The following DLGAP2 variants were observed in gnomAD, a reference collection of about 807,000 sequenced individuals.
DLGAP2 encodes DLG associated protein 2, also known as disks large-associated protein 2.
In DLGAP2, 26 loss-of-function variants were observed where a neutral mutation model predicts 100.3. The ratio of observed to expected loss-of-function variants is 0.26; its 90% CI spans 0.19 to 0.36. The LOEUF is 0.36. DLGAP2 is among the 10% of genes least tolerant of loss of function. The pLI, the probability that DLGAP2 is intolerant of heterozygous loss-of-function variation, is 1.00. For synonymous variants in DLGAP2, 886 were observed against 630.1 expected (o/e 1.41, Z -6.08); for missense variants, 1,858 against 1,453.2 (o/e 1.28, Z -4.53).
At chr8:1,695,598 G>A (rs1027028382) in intron 13 of DLGAP2, among the ~76,000 whole-genome samples, 12 of 151,674 alleles carry the variant, frequency 7.9e-5, no homozygotes, top group Admixed American at 2.0e-4. Flanking sequence ...AGCCTTGCCC[G>A]GCCCTACAGA....
chr8:1,245,490 A>T (rs1185698447), intron 2 of DLGAP2, among the ~76,000 whole-genome samples: 1 of 152,278 alleles, frequency 6.6e-6, no homozygotes, highest in African/African-American at 2.4e-5. Context: ...GAAGCCAGTC[A>T]TGAAAACCAC....
chr8:1,391,381 G>T (rs1267662773), intron 3 of DLGAP2, among the ~76,000 whole-genome samples: 1 of 152,202 alleles, frequency 6.6e-6, no homozygotes, highest in Non-Finnish European at 1.5e-5. Flanking sequence ...GGCCAGATCG[G>T]ATCTGTGCAG....
intron 2 of DLGAP2, among the ~76,000 whole-genome samples, chr8:1,145,976 G>A (rs965260452): frequency 6.6e-6 from 1 of 151,988 alleles, no homozygotes; most frequent in Non-Finnish European, 1.5e-5. Context: ...GTATTCCATG[G>A]TGTATATGTG....
intron 2 of DLGAP2, among the ~76,000 whole-genome samples, chr8:1,176,544 A>T (rs1797261216): frequency 6.6e-6 from 1 of 152,202 alleles, no homozygotes; most frequent in Admixed American, 6.5e-5. Flanking sequence ...TGTGAATTTA[A>T]CTGGTTTATT....
chr8:1,312,671 C>T (rs141991396), intron 3 of DLGAP2, among the ~76,000 whole-genome samples: 2 of 152,274 alleles, frequency 1.3e-5, no homozygotes, highest in East Asian at 3.9e-4. Context: ...AATTTTATGT[C>T]ATCTGTACCA....
intron 2 of DLGAP2, among the ~76,000 whole-genome samples, chr8:973,638 G>A (rs1489831665): frequency 2.6e-5 from 4 of 152,230 alleles, no homozygotes; most frequent in Non-Finnish European, 4.4e-5. Context: ...GTAGTGAGCC[G>A]AGATCACGCC....
intron 6 of DLGAP2, among the ~76,000 whole-genome samples, chr8:1,626,516 TCTACC>T (rs1343736356): frequency 2.9e-4 from 44 of 149,864 alleles, no homozygotes; most frequent in Non-Finnish European, 3.0e-4. Context: ...CGTTCCCATC[TCTACC>T]CTGCAGCAGG....
At chr8:753,197 C>T (rs1318088722) in intron 1 of DLGAP2, among the ~76,000 whole-genome samples, 4 of 152,148 alleles carry the variant, frequency 2.6e-5, no homozygotes, top group Non-Finnish European at 2.9e-5. Flanking sequence ...CTGCGGACCC[C>T]GTCACTTACG....
At chr8:1,302,612 G>C (rs1323650876) in intron 3 of DLGAP2, 1 of 140,400 alleles carries the variant, frequency 7.1e-6, no homozygotes, top group Non-Finnish European at 1.6e-5. Context: ...ATTTTCTGTA[G>C]GTTCCCGAGC....
chr8:1,003,339 C>T (rs1347392953), intron 2 of DLGAP2: 1 of 152,236 alleles, frequency 6.6e-6, no homozygotes, highest in Non-Finnish European at 1.5e-5. Context: ...CATGGGTGGC[C>T]CGACGGGGGC....
chr8:1,319,697 C>T lies in DLGAP2; in HGVS notation c.106+60814C>T, dbSNP rs73670751. Among the ~76,000 whole-genome samples, 185 of 152,144 alleles carry T rather than the reference C, an allele frequency of 1.2e-3. 1 individual carries two copies. Among genetic ancestry groups the T allele is most frequent in the African/African-American group, 4.1e-3 (170 of 41,498 alleles). ...AGGGAAAGCCTCTCTGAGGAGTGCA[C>T]GTTGGAAAAGATGTCAGAACGATGG... is the stretch of plus-strand genomic sequence containing the variant. On this transcript the variant is annotated intron_variant, in intron 3 of 14. Transcript: ENST00000637795.
chr8:857,952 C>T (rs1474634484), intron 1 of DLGAP2, among the ~76,000 whole-genome samples: 6 of 151,326 alleles, frequency 4.0e-5, no homozygotes, highest in African/African-American at 1.5e-4. Flanking sequence ...CTCACTGCAG[C>T]CTCTGTCTCC....
At chr8:1,172,509 T>C (rs1236675908) in intron 2 of DLGAP2, among the ~76,000 whole-genome samples, 1 of 152,234 alleles carries the variant, frequency 6.6e-6, no homozygotes, top group African/African-American at 2.4e-5. Flanking sequence ...TCCCTGTCAC[T>C]TTCAGGTGCA....
intron 3 of DLGAP2, among the ~76,000 whole-genome samples, chr8:1,448,955 G>A (rs1798061050): frequency 6.6e-6 from 1 of 152,294 alleles, no homozygotes; most frequent in South Asian, 2.1e-4. Flanking sequence ...AGCAAAGTCT[G>A]TGTCCTTAGG....
At chr8:971,249 A>G (rs967146715) in intron 2 of DLGAP2, among the ~76,000 whole-genome samples, 8 of 152,350 alleles carry the variant, frequency 5.3e-5, no homozygotes, top group African/African-American at 1.9e-4. Flanking sequence ...TAACTTAACA[A>G]TAAAATGACT....
At chr8:1,525,780 G>A (rs900465059) in intron 4 of DLGAP2, among the ~76,000 whole-genome samples, 1 of 152,150 alleles carries the variant, frequency 6.6e-6, no homozygotes, top group African/African-American at 2.4e-5. Context: ...GGTGTATCTT[G>A]GCCTCATCTC....
intron 2 of DLGAP2, among the ~76,000 whole-genome samples, chr8:1,096,289 C>T (rs139361130): frequency 5.7e-4 from 87 of 152,336 alleles, no homozygotes; most frequent in African/African-American, 1.9e-3. Context: ...TTGCTCAGAC[C>T]TCTCCCAAGG....
chr8:1,005,516 C>A (rs1211108538), intron 2 of DLGAP2, among the ~76,000 whole-genome samples: 1 of 148,592 alleles, frequency 6.7e-6, no homozygotes, highest in East Asian at 2.0e-4. Flanking sequence ...TCAAGTGATT[C>A]TCTTGTCTTG....
rs372643752 is a variant in DLGAP2 at position 1,350,713 on chromosome 8, C to T, written c.106+91830C>T. On this transcript the variant is annotated intron_variant, in intron 3 of 14. Coordinates refer to ENST00000637795, the MANE Select transcript of DLGAP2 (RefSeq NM_001346810.2). The stretch of plus-strand genomic sequence containing the variant: ...AAAGGCCGTGCGGGTCCTGAGTGTG[C>T]GTGGAAAGGCCGTGCGGGTCCTGAG... Among the ~76,000 whole-genome samples, 24 of 43,610 alleles carry T rather than the reference C, an allele frequency of 5.5e-4. 1 individual carries two copies. The highest frequency in any genetic ancestry group is 1.3e-3 in the Admixed American group (4 of 3,142). The allele number at this position is 43,610 out of a possible 152,430, so 28.6% of individuals were successfully genotyped here.
Sources: gnomAD v4.1 joint callset for allele counts (sites outside exome capture counted in the v4.1 genomes callset) on GRCh38, gnomAD v4.1.1 for gene constraint, MANE v1.5 for transcripts, NCBI Gene and HGNC (gene_info 2026-07-23, HGNC 2026-07-21) for gene names.